Variants in SLC2A12 observed in about 807,000 individuals in gnomAD.
SLC2A12 encodes the protein solute carrier family 2, facilitated glucose transporter member 12.
SLC2A12 carries 23 observed loss-of-function variants against 41.8 expected under a neutral mutation model. The ratio of observed to expected loss-of-function variants is 0.55; its 90% CI spans 0.40 to 0.78. The LOEUF (loss-of-function observed/expected upper bound fraction) is 0.78. Among genes scored for constraint, SLC2A12 ranks in the 30% least tolerant of loss-of-function variants. The pLI is 0.00. For synonymous variants in SLC2A12, 295 were observed against 285.9 expected, an observed-to-expected ratio of 1.03 and a Z score of -0.32; for missense variants, 654 against 745.6, an observed-to-expected ratio of 0.88 and a Z score of 1.43.
intron 1 of SLC2A12, among the ~76,000 whole-genome samples, chr6:134,030,820 C>T (rs977345798): frequency 3.3e-5 from 5 of 152,176 alleles, no homozygotes; most frequent in African/African-American, 7.2e-5. Context: ...TTGTCGGTCA[C>T]AGTGATGACT....
At chr6:134,051,303 G>A (rs530578251) in intron 1 of SLC2A12, among the ~76,000 whole-genome samples, 4 of 152,244 alleles carry the variant, frequency 2.6e-5, no homozygotes, top group Admixed American at 6.5e-5. Context: ...CTCCTGAAGA[G>A]GGCCGCTTCA....
intron 1 of SLC2A12, among the ~76,000 whole-genome samples, chr6:134,034,948 A>T (rs1299982685): frequency 6.6e-6 from 1 of 152,072 alleles, no homozygotes; most frequent in Non-Finnish European, 1.5e-5. Context: ...GCCATGGGGA[A>T]TTCTTGGCTT....
Position 134,030,138 on chromosome 6 carries a change from G to A in SLC2A12, c.104-417C>T, listed in dbSNP as rs114018993. On this transcript the variant is annotated intron_variant, in intron 1 of 4. Coordinates refer to ENST00000275230, the MANE Select transcript of SLC2A12 (RefSeq NM_145176.3). ...CAGTTCTCTAAAGGCAAATCTTTGA[G>A]GGCAGGAGAGAGAGGATAGGAGCCT... Among the ~76,000 whole-genome samples the A allele has an allele frequency of 2.6e-3, 397 of 152,260 alleles. 3 individuals are homozygous for A. The highest frequency in any genetic ancestry group is 0.014 in the Middle Eastern group (4 of 294).
intron 1 of SLC2A12, among the ~76,000 whole-genome samples, chr6:134,041,347 A>G (rs1486949217): frequency 1.3e-5 from 2 of 152,296 alleles, no homozygotes; most frequent in East Asian, 1.9e-4. Context: ...GACAAGGCAC[A>G]GTGGCTCACA....
rs1773708486 is a variant in SLC2A12, at chr6:134,052,602, C to A, written c.-122G>T. ...GAAGAGTGTGGGGAAAAACTTCGGG[C>A]AAAGCTAATGTGATTTGTGACCAAC... On this transcript the variant is annotated 5_prime_UTR_variant, in exon 1 of 5. Transcript: ENST00000275230. 1.4e-6 allele frequency: 1 copy of A among 723,726 alleles called. No homozygotes were observed. The highest frequency in any genetic ancestry group is 2.3e-6 in the Non-Finnish European group (1 of 432,434). The allele number at this position is 723,726 out of a possible 1,614,324, so 44.8% of individuals were successfully genotyped here.
intron 2 of SLC2A12, among the ~76,000 whole-genome samples, chr6:134,026,988 A>G (rs1777122091): frequency 1.3e-5 from 2 of 152,238 alleles, no homozygotes; most frequent in Non-Finnish European, 1.5e-5. Context: ...GTGGAGTTAG[A>G]GCAGGAGAGG....
At chr6:134,044,876 A>G (rs930818219) in intron 1 of SLC2A12, among the ~76,000 whole-genome samples, 2 of 152,196 alleles carry the variant, frequency 1.3e-5, no homozygotes, top group African/African-American at 2.4e-5. Flanking sequence ...GACTCCTTCA[A>G]CAATTAAGCA....
At chr6:134,004,737 G>A (rs373235205) in intron 3 of SLC2A12, among the ~76,000 whole-genome samples, 1 of 152,148 alleles carries the variant, frequency 6.6e-6, no homozygotes, top group Non-Finnish European at 1.5e-5. Flanking sequence ...TTTCAAGCAC[G>A]TATTTTACCT....
At chr6:133,993,961 GA>G (rs1776653753) in intron 4 of SLC2A12, among the ~76,000 whole-genome samples, 1 of 152,184 alleles carries the variant, frequency 6.6e-6, no homozygotes, top group Admixed American at 6.5e-5. Context: ...TGGAGCAAAA[GA>G]ATACCTTGAT....
intron 3 of SLC2A12, among the ~76,000 whole-genome samples, chr6:134,006,101 G>A (rs1776809529): frequency 6.7e-6 from 1 of 149,844 alleles, no homozygotes; most frequent in Non-Finnish European, 1.5e-5. Flanking sequence ...CAACCCAGGG[G>A]CCGGAGGTTA....
chr6:134,048,762 A>C (rs1015528671), intron 1 of SLC2A12, among the ~76,000 whole-genome samples: 2 of 152,216 alleles, frequency 1.3e-5, no homozygotes, highest in African/African-American at 4.8e-5. Context: ...GGAATGGCCC[A>C]GCATCAAAAA....
At chr6:134,032,460 ATATATTTT>A (rs1303608673) in intron 1 of SLC2A12, among the ~76,000 whole-genome samples, 18 of 35,994 alleles carry the variant, frequency 5.0e-4, no homozygotes, top group African/African-American at 1.7e-3. Flanking sequence ...ATATATATAT[ATATATTTT>A]TATATATATA....
At chr6:134,026,218 T>A (rs539410286) in intron 2 of SLC2A12, among the ~76,000 whole-genome samples, 1 of 152,304 alleles carries the variant, frequency 6.6e-6, no homozygotes, top group East Asian at 1.9e-4. Context: ...AGAAAATTGA[T>A]GTACAAAGGA....
intron 3 of SLC2A12, among the ~76,000 whole-genome samples, chr6:134,005,441 G>A (rs571560376): frequency 3.3e-5 from 5 of 151,312 alleles, no homozygotes; most frequent in Non-Finnish European, 5.9e-5. Flanking sequence ...GGTGGATCAC[G>A]AGGTCAGGAG....
intron 1 of SLC2A12, among the ~76,000 whole-genome samples, chr6:134,035,473 G>T (rs1468280541): frequency 6.6e-6 from 1 of 152,142 alleles, no homozygotes; most frequent in Non-Finnish European, 1.5e-5. Flanking sequence ...TTCTGTTTCA[G>T]TTTATTACTA....
chr6:134,013,888 A>G (rs759421077), intron 2 of SLC2A12, among the ~76,000 whole-genome samples: 4 of 152,206 alleles, frequency 2.6e-5, no homozygotes, highest in African/African-American at 9.6e-5. Flanking sequence ...ACATGTATCA[A>G]AATAATATTT....
At chr6:133,994,367 A>G (rs145963991) in intron 4 of SLC2A12, among the ~76,000 whole-genome samples, 27 of 152,338 alleles carry the variant, frequency 1.8e-4, no homozygotes, top group African/African-American at 5.5e-4. Flanking sequence ...TTGAATAAAC[A>G]AGCCTTGAAT....
At chr6:134,047,590 C>G (rs1415598194) in intron 1 of SLC2A12, among the ~76,000 whole-genome samples, 1 of 152,142 alleles carries the variant, frequency 6.6e-6, no homozygotes, top group Non-Finnish European at 1.5e-5. Context: ...AGTGTAAGCT[C>G]TAGACCACTA....
Position 134,024,702 on chromosome 6 carries a change from G to A in SLC2A12, c.1444+3679C>T, listed in dbSNP as rs750871739. 9.9e-5 allele frequency among the ~76,000 whole-genome samples: 15 copies of A among 152,248 alleles called. No individual in the cohort carries two copies. In the South Asian group the frequency reaches 1.7e-3, roughly 17 times the overall value. On this transcript the variant is annotated intron_variant, in intron 2 of 4. Coordinates refer to ENST00000275230, the MANE Select transcript of SLC2A12 (RefSeq NM_145176.3). ...GATTTTTAAATGCATCTTAATATGC[G>A]TGAGATTTTTAAATGTATCTTATAT...
Sources: allele counts gnomAD v4.1 joint callset (sites outside exome capture counted in the v4.1 genomes callset), GRCh38; gene constraint gnomAD v4.1.1; transcripts MANE v1.5; gene names NCBI Gene and HGNC (gene_info 2026-07-23, HGNC 2026-07-21).